EFCAB6: variants seen among roughly 807,000 people sequenced by gnomAD.
EFCAB6 encodes EF-hand calcium-binding domain-containing protein 6.
Under a neutral mutation model 169.8 loss-of-function variants are expected in EFCAB6, and 156 were observed. The observed-to-expected ratio is 0.92, with a 90% CI of 0.81 to 1.05. EFCAB6 has a LOEUF of 1.05. Among genes scored for constraint, EFCAB6 ranks in the 50% least tolerant of loss-of-function variants. EFCAB6 has a pLI of 0.00. For missense variants in EFCAB6, 1,800 were observed against 1,829.1 expected, an observed-to-expected ratio of 0.98 and a Z score of 0.29; for synonymous variants, 698 against 676.4, an observed-to-expected ratio of 1.03 and a Z score of -0.50.
At chr22:43,656,702 G>C (rs1199766233) in intron 17 of EFCAB6, among the ~76,000 whole-genome samples, 1 of 151,960 alleles carries the variant, frequency 6.6e-6, no homozygotes, top group Non-Finnish European at 1.5e-5. Flanking sequence ...AGGTGTGTAG[G>C]AGGCTATAGC....
At chr22:43,755,990 C>A (rs1281142389) in intron 5 of EFCAB6, among the ~76,000 whole-genome samples, 158 bp from the exon 6 acceptor site, 1 of 152,114 alleles carries the variant, frequency 6.6e-6, no homozygotes, top group African/African-American at 2.4e-5. Context: ...TGAAACTGGG[C>A]AAATTACTTT....
At position 43,678,194 on chromosome 22, in the gene EFCAB6, T is replaced by A. The variant is rs2057850368; in HGVS notation, c.1252-31A>T. 5 of 1,524,540 alleles carry A rather than the reference T, an allele frequency of 3.3e-6. No homozygotes were observed. In the South Asian group the frequency reaches 6.2e-5, roughly 19 times the overall value. The allele number at this position is 1,524,540 out of a possible 1,614,324, so 94.4% of individuals were successfully genotyped here. On this transcript the variant is annotated intron_variant, in intron 12 of 31. Coordinates refer to ENST00000262726, the MANE Select transcript of EFCAB6 (RefSeq NM_022785.4). The stretch of plus-strand genomic sequence containing the variant: ...CATCAGAGTGTATATAAGGGAATTT[T>A]TGAAAAAAAAAAAAAAAGGAAGAAA...
At chr22:43,708,089 TAAAA>T (rs137824) in intron 10 of EFCAB6, among the ~76,000 whole-genome samples, 4 of 115,536 alleles carry the variant, frequency 3.5e-5, no homozygotes, top group Admixed American at 1.7e-4. Flanking sequence ...TAAAGAAAAC[TAAAA>T]AAAAAAAAAA....
chr22:43,626,789 C>G, intron 19 of EFCAB6, 110 bp from the exon 20 acceptor site: 1 of 966,494 alleles, frequency 1.0e-6, no homozygotes, highest in Non-Finnish European at 1.6e-6. Context: ...GGCAGCTTGG[C>G]TGGGCCCCAA....
chr22:43,791,711 GA>G (rs151289439), intron 2 of EFCAB6, among the ~76,000 whole-genome samples: 1 of 152,216 alleles, frequency 6.6e-6, no homozygotes, highest in African/African-American at 2.4e-5. Context: ...AATGGTGGGG[GA>G]AAACCTGTCT....
chr22:43,655,592 C>T (rs762094229), intron 17 of EFCAB6, among the ~76,000 whole-genome samples: 10 of 150,486 alleles, frequency 6.6e-5, no homozygotes, highest in Non-Finnish European at 8.9e-5. Flanking sequence ...ATGAGACAGC[C>T]GGGTCAAATA....
At chr22:43,757,618 T>G (rs1337077824) in intron 5 of EFCAB6, among the ~76,000 whole-genome samples, 6 of 152,172 alleles carry the variant, frequency 3.9e-5, no homozygotes. Flanking sequence ...CCCATCCAGC[T>G]GCAGCAATGG....
chr22:43,671,608 T>G (rs928365907), intron 15 of EFCAB6, among the ~76,000 whole-genome samples: 2 of 152,186 alleles, frequency 1.3e-5, no homozygotes, highest in Non-Finnish European at 2.9e-5. Context: ...AAAGGAGAGA[T>G]ATTTGCTTGC....
intron 10 of EFCAB6, 101 bp from the exon 11 acceptor site, chr22:43,687,682 C>T (rs1314034058): frequency 3.4e-6 from 2 of 590,120 alleles, no homozygotes; most frequent in East Asian, 6.1e-5. Flanking sequence ...GGCAGCAATG[C>T]ATTTATATGA....
Position 43,784,620 on chromosome 22 carries a change from TAC to T in EFCAB6, c.-7-2297_-7-2296del, listed in dbSNP as rs1166081120. On this transcript the variant is annotated intron_variant, in intron 2 of 31. Coordinates refer to ENST00000262726, the MANE Select transcript of EFCAB6 (RefSeq NM_022785.4). ...ATATACACATATATATGTGTATATA[TAC>T]ACATATATATGTATATGTACACATA... Among the ~76,000 whole-genome samples, 222 of 76,206 alleles carry T rather than the reference TAC, an allele frequency of 2.9e-3. 6 individuals are homozygous for T. The highest frequency in any genetic ancestry group is 5.1e-3 in the African/African-American group (104 of 20,456). 50.0% of individuals were successfully genotyped at this position (76,206 alleles called of 152,430 possible). A position where few individuals can be genotyped will look rare whatever the true frequency, so the allele number is the denominator to read the frequency against.
intron 4 of EFCAB6, among the ~76,000 whole-genome samples, chr22:43,766,859 A>C (rs2061339960): frequency 6.6e-6 from 1 of 151,742 alleles, no homozygotes; most frequent in South Asian, 2.1e-4. Context: ...CCTTTTATTT[A>C]TTTATTTAAT....
At chr22:43,672,678 G>A (rs1022830055) in intron 13 of EFCAB6, among the ~76,000 whole-genome samples, 1 of 152,158 alleles carries the variant, frequency 6.6e-6, no homozygotes, top group Non-Finnish European at 1.5e-5. Context: ...GCACACTGGG[G>A]CCTATCGGAG....
chr22:43,694,362 C>A (rs2058502241), intron 10 of EFCAB6, among the ~76,000 whole-genome samples: 1 of 152,054 alleles, frequency 6.6e-6, no homozygotes, highest in South Asian at 2.1e-4. Context: ...TAAATGGCTT[C>A]TCAGGTGAAT....
In EFCAB6 at chr22:43,678,145, T is replaced by C; in HGVS notation, c.1270A>G (p.Thr424Ala). 6.2e-7 allele frequency: 1 copy of C among 1,612,854 alleles called. No homozygotes were observed. The highest frequency in any genetic ancestry group is 8.5e-7 in the Non-Finnish European group (1 of 1,179,880). The change falls in exon 13 of 32, where the codon ACA (threonine) becomes GCA (alanine). Residue 424 changes from threonine (T) to alanine (A), a missense_variant. By Grantham distance (58) the Thr-to-Ala change is moderately conservative (BLOSUM62 0). Transcript: ENST00000262726. The part of the protein sequence containing the change: ...IINTKPDGPI[T>A]REEFRYILNC... The stretch of plus-strand genomic sequence containing the variant: ...AGAATATATCGAAATTCTTCTCTTG[T>C]TATCGGTCCATCGGGTTTCTGAGCA...
rs570091454 is a variant in EFCAB6 at position 43,682,128 on chromosome 22, C to A, written c.1251+1619G>T. 1.0e-3 allele frequency among the ~76,000 whole-genome samples: 156 copies of A among 152,256 alleles called. 1 individual carries two copies. Among genetic ancestry groups the A allele is most frequent in the Middle Eastern group, 6.8e-3 (2 of 294 alleles). ...TATTCTCCTTCTTACCTAGTCCCCT[C>A]CGTAGTGGGGTGCATGGTGGGGGGA... is the stretch of plus-strand genomic sequence containing the variant. On this transcript the variant is annotated intron_variant, in intron 12 of 31. Coordinates refer to ENST00000262726, the MANE Select transcript of EFCAB6 (RefSeq NM_022785.4).
intron 15 of EFCAB6, among the ~76,000 whole-genome samples, chr22:43,671,021 A>G (rs2057467604): frequency 6.6e-6 from 1 of 152,198 alleles, no homozygotes; most frequent in Non-Finnish European, 1.5e-5. Context: ...AGGCTCAGAG[A>G]GGTTAAGTCA....
chr22:43,654,432 G>A (rs1049450567), intron 17 of EFCAB6, among the ~76,000 whole-genome samples: 1 of 152,250 alleles, frequency 6.6e-6, no homozygotes, highest in Non-Finnish European at 1.5e-5. Flanking sequence ...GCCAGTGACA[G>A]GTTCAGCACC....
chr22:43,561,349 T>A, intron 26 of EFCAB6, among the ~76,000 whole-genome samples: 1 of 145,626 alleles, frequency 6.9e-6, no homozygotes. Flanking sequence ...AGAGCGAGAC[T>A]CTGTCTCAAA....
At chr22:43,652,338 T>G (rs866530811) in intron 17 of EFCAB6, among the ~76,000 whole-genome samples, 91 of 152,358 alleles carry the variant, frequency 6.0e-4, no homozygotes, top group African/African-American at 1.9e-3. Context: ...ACATAAGATG[T>G]GACTTGTTCC....
Sources: gnomAD v4.1 joint callset for allele counts (sites outside exome capture counted in the v4.1 genomes callset) on GRCh38, gnomAD v4.1.1 for gene constraint, MANE v1.5 for transcripts, NCBI Gene and HGNC (gene_info 2026-07-23, HGNC 2026-07-21) for gene names.